The following CFAP221 variants were observed in gnomAD, a reference collection of about 807,000 sequenced individuals.
The protein encoded by CFAP221 is cilia and flagella associated protein 221.
In CFAP221, 97 loss-of-function variants were observed where a neutral mutation model predicts 113.1. The ratio of observed to expected loss-of-function variants is 0.86; its 90% CI spans 0.73 to 1.02. The LOEUF (loss-of-function observed/expected upper bound fraction) is 1.02, where lower values mean the gene tolerates loss of function less well. CFAP221 is among the 50% of genes least tolerant of loss of function. The probability of loss-of-function intolerance (pLI) is 0.00; values close to 1 mark genes in which losing one functional copy is unlikely to be tolerated. For missense variants in CFAP221, 1,025 were observed against 1,013.4 expected, an observed-to-expected ratio of 1.01 and a Z score of -0.16; for synonymous variants, 331 against 354.4, an observed-to-expected ratio of 0.93 and a Z score of 0.74.
At chr2:119,619,747 A>G (rs889085529) in intron 14 of CFAP221, among the ~76,000 whole-genome samples, 1 of 152,292 alleles carries the variant, frequency 6.6e-6, no homozygotes, top group African/African-American at 2.4e-5. Flanking sequence ...AGTTTGACAA[A>G]TTGACAGAAT....
At chr2:119,565,776 T>C (rs1378672396) in intron 6 of CFAP221, among the ~76,000 whole-genome samples, 1 of 152,246 alleles carries the variant, frequency 6.6e-6, no homozygotes, top group East Asian at 1.9e-4. Context: ...AACTTTTAAC[T>C]ACTCAAACTG....
At position 119,559,705 on chromosome 2, in the gene CFAP221, C is replaced by G. The variant is rs1435388903; in HGVS notation, c.257C>G (p.Ser86Cys). The G allele has an allele frequency of 4.6e-6, 7 of 1,530,772 alleles. No individual in the cohort carries two copies. The highest frequency in any genetic ancestry group is 6.1e-6 in the Non-Finnish European group (7 of 1,142,146). The allele number at this position is 1,530,772 out of a possible 1,614,324, so 94.8% of individuals were successfully genotyped here. A position where few individuals can be genotyped will look rare whatever the true frequency, so the allele number is the denominator to read the frequency against. ...HQQILHLVNV[S>C]NEDTRVHILP... ...CTCTCCCAGCATCTGGTCAATGTTT[C>G]CAATGAAGACACACGTGTTCATATT... Residue 86 changes from serine to cysteine, a missense_variant, in exon 4 of 24, where the codon TCC becomes TGC. Ser to Cys is a moderately radical substitution (Grantham distance 112, BLOSUM62 -1). Transcript: ENST00000413369.
intron 21 of CFAP221, among the ~76,000 whole-genome samples, chr2:119,646,560 G>A (rs1433010308): frequency 2.0e-5 from 3 of 151,992 alleles, no homozygotes; most frequent in South Asian, 2.1e-4. Context: ...CTCCACCCCC[G>A]CGATCCAATC....
chr2:119,639,677 G>T, intron 20 of CFAP221, 104 bp from the exon 21 acceptor site: 1 of 853,880 alleles, frequency 1.2e-6, no homozygotes, highest in Non-Finnish European at 1.9e-6. Context: ...ACAGATTTTG[G>T]TGCTTAGCCT....
chr2:119,561,931 G>A (rs1469609882), intron 5 of CFAP221, 83 bp from the exon 6 acceptor site: 41 of 889,484 alleles, frequency 4.6e-5, no homozygotes, highest in Non-Finnish European at 7.0e-5. Context: ...ATGGAAACAA[G>A]ATAAGAAATA....
intron 6 of CFAP221, 138 bp downstream of exon 6, chr2:119,562,252 G>GAAAAAAA: frequency 1.8e-5 from 3 of 171,376 alleles, no homozygotes. Context: ...ATTGTAAAAG[G>GAAAAAAA]CAAAAAAAAA....
In CFAP221 at chr2:119,551,851, T is replaced by C. The variant is rs140177010; in HGVS notation, c.240+2666T>C. 2.8e-3 allele frequency among the ~76,000 whole-genome samples: 425 copies of C among 152,354 alleles called. 1 individual carries two copies. The highest frequency in any genetic ancestry group is 9.6e-3 in the African/African-American group (400 of 41,592). ...GATCAATTTGGGGAATATTGCAACC[T>C]TAAGAATATTAAGTCACAATTCTTT... On this transcript the variant is annotated intron_variant, in intron 3 of 23. Coordinates refer to ENST00000413369, the MANE Select transcript of CFAP221 (RefSeq NM_001271049.2).
chr2:119,581,766 G>A (rs1682864742), intron 6 of CFAP221, among the ~76,000 whole-genome samples: 1 of 152,132 alleles, frequency 6.6e-6, no homozygotes, highest in East Asian at 1.9e-4. Flanking sequence ...ACACGTAAGA[G>A]TCAAGCTGCA....
chr2:119,648,928 C>T (rs1280369965), intron 22 of CFAP221, among the ~76,000 whole-genome samples: 2 of 152,216 alleles, frequency 1.3e-5, no homozygotes, highest in African/African-American at 4.8e-5. Flanking sequence ...ACTGTTCAGG[C>T]AAAGCGCCCA....
chr2:119,610,825 A>T (rs1161215892), intron 12 of CFAP221, among the ~76,000 whole-genome samples: 1 of 152,210 alleles, frequency 6.6e-6, no homozygotes, highest in Admixed American at 6.5e-5. Context: ...CCCAACAAAC[A>T]ATTAATAGAA....
intron 14 of CFAP221, among the ~76,000 whole-genome samples, chr2:119,622,774 A>T (rs1686020756): frequency 6.6e-6 from 1 of 152,350 alleles, no homozygotes; most frequent in African/African-American, 2.4e-5. Flanking sequence ...AAACCACATG[A>T]TTATCTTAAT....
rs752977384 is a variant in CFAP221 at position 119,605,194 on chromosome 2, C to G, written c.1038C>G (p.Gly346=). 1.5e-5 allele frequency: 25 copies of G among 1,613,702 alleles called. No homozygotes were observed. The highest frequency in any genetic ancestry group is 5.3e-5 in the African/African-American group (4 of 74,910). ...IKELREVLDQ[G]TEISKTRQMK... is the part of the protein sequence containing the mutation. The stretch of plus-strand genomic sequence containing the variant: ...TCCTGCCTTCAGTTTTGGACCAGGG[C>G]ACTGAAATTTCAAAAACGAGACAGA... The change falls in exon 11 of 24, where the codon GGC becomes GGG. Residue 346 remains glycine (G), a synonymous_variant. Transcript: ENST00000413369.
chr2:119,570,697 A>G (rs780313199), intron 6 of CFAP221, among the ~76,000 whole-genome samples: 3 of 152,172 alleles, frequency 2.0e-5, no homozygotes, highest in Non-Finnish European at 4.4e-5. Flanking sequence ...AGCTTATCCA[A>G]CTCAAATCAC....
At chr2:119,578,487 T>A (rs1301903836) in intron 6 of CFAP221, among the ~76,000 whole-genome samples, 2 of 152,222 alleles carry the variant, frequency 1.3e-5, no homozygotes, top group African/African-American at 2.4e-5. Context: ...CAATGAGCAG[T>A]TGACAATGGA....
intron 3 of CFAP221, among the ~76,000 whole-genome samples, chr2:119,558,860 AAC>A (rs1681017512): frequency 1.3e-5 from 2 of 152,056 alleles, no homozygotes; most frequent in Admixed American, 1.3e-4. Flanking sequence ...ACAACAAAAA[AAC>A]ACAGGCAAAC....
chr2:119,656,551 C>G lies in CFAP221; in HGVS notation c.*81C>G. 2 of 871,670 alleles carry G rather than the reference C, an allele frequency of 2.3e-6. No individual in the cohort carries two copies. The highest frequency in any genetic ancestry group is 3.7e-6 in the Non-Finnish European group (2 of 538,592). The allele number at this position is 871,670 out of a possible 1,614,324, so 54.0% of individuals were successfully genotyped here. ...TTGCGTCCATTTACATGCCAGCCAT[C>G]TCTGCAATTAAAGTTTCTGGATAAA... On this transcript the variant is annotated 3_prime_UTR_variant, in exon 24 of 24. Transcript: ENST00000413369.
intron 19 of CFAP221, among the ~76,000 whole-genome samples, chr2:119,635,937 A>C (rs940680866): frequency 6.6e-6 from 1 of 152,194 alleles, no homozygotes; most frequent in East Asian, 1.9e-4. Context: ...AGAAAAGAAG[A>C]AGCAATTATA....
intron 22 of CFAP221, among the ~76,000 whole-genome samples, chr2:119,651,596 C>T (rs2104816798): frequency 6.6e-6 from 1 of 151,582 alleles, no homozygotes; most frequent in Non-Finnish European, 1.5e-5. Flanking sequence ...TATTCTAATT[C>T]CATTGTGGAG....
intron 21 of CFAP221, among the ~76,000 whole-genome samples, chr2:119,645,482 T>G (rs1190348468): frequency 6.6e-6 from 1 of 151,368 alleles, no homozygotes; most frequent in Non-Finnish European, 1.5e-5. Context: ...AGATATGCTT[T>G]TCTGCATTTG....
Sources: gnomAD v4.1 joint callset for allele counts (sites outside exome capture counted in the v4.1 genomes callset) on GRCh38, gnomAD v4.1.1 for gene constraint, MANE v1.5 for transcripts, NCBI Gene and HGNC (gene_info 2026-07-23, HGNC 2026-07-21) for gene names.